The following DCAF11 variants were observed in gnomAD, a reference collection of about 807,000 sequenced individuals.
DCAF11 encodes DDB1 and CUL4 associated factor 11.
In DCAF11, 44 loss-of-function variants were observed where a neutral mutation model predicts 76.1. The observed-to-expected ratio is 0.58, with a 90% CI of 0.45 to 0.74. The LOEUF (loss-of-function observed/expected upper bound fraction) is 0.74, where lower values mean the gene tolerates loss of function less well. DCAF11 is among the 30% of genes least tolerant of loss of function. The pLI, the probability that DCAF11 is intolerant of heterozygous loss-of-function variation, is 0.00. For missense variants in DCAF11, 604 were observed against 709.4 expected, an observed-to-expected ratio of 0.85 and a Z score of 1.69; for synonymous variants, 258 against 255.0, an observed-to-expected ratio of 1.01 and a Z score of -0.11.
In DCAF11 at chr14:24,115,491, C is replaced by T. The variant is rs2037529107; in HGVS notation, c.-104C>T. 2 of 1,487,738 alleles carry T rather than the reference C, an allele frequency of 1.3e-6. No homozygotes were observed. The highest frequency in any genetic ancestry group is 4.6e-5 in the East Asian group (2 of 43,240). 92.2% of individuals were successfully genotyped at this position (1,487,738 alleles called of 1,614,324 possible). A position where few individuals can be genotyped will look rare whatever the true frequency, so the allele number is the denominator to read the frequency against. On this transcript the variant is annotated 5_prime_UTR_variant, in exon 2 of 15. Coordinates refer to ENST00000446197, the MANE Select transcript of DCAF11 (RefSeq NM_025230.5). ...CTCCTAGAGATAGCTACTACCCCGTCTCAGGAGACCCTGGTATTTCTAGAG... is the reference window on the plus strand; with the variant it reads ...CTCCTAGAGATAGCTACTACCCCGTTTCAGGAGACCCTGGTATTTCTAGAG...
chr14:24,120,907 T>G lies in DCAF11; in HGVS notation c.1162T>G (p.Ser388Ala). The change falls in exon 12 of 15, where the codon TCC (serine) becomes GCC (alanine). Residue 388 changes from serine (S) to alanine (A), a missense_variant. Coordinates refer to ENST00000446197, the MANE Select transcript of DCAF11 (RefSeq NM_025230.5). The stretch of plus-strand genomic sequence containing the variant: ...CAAACTCTGGGATATCCGACGCTTT[T>G]CCAGCCGGGAAGGCATGGAAGCTTC... ...TIKLWDIRRFSSREGMEASRQ... is the reference protein window; with the variant it reads ...TIKLWDIRRFASREGMEASRQ... 6.2e-7 allele frequency: 1 copy of G among 1,614,182 alleles called. No individual in the cohort carries two copies. The highest frequency in any genetic ancestry group is 8.5e-7 in the Non-Finnish European group (1 of 1,180,028).
chr14:24,118,250 T>G, intron 6 of DCAF11, 95 bp downstream of exon 6: 1 of 1,570,410 alleles, frequency 6.4e-7, no homozygotes. Context: ...AGCTCAGACC[T>G]GGCTTAAGGA....
rs1278357852 is a variant in DCAF11, at chr14:24,119,065, C to G, written c.780-80C>G. On this transcript the variant is annotated intron_variant, in intron 8 of 14. Coordinates refer to ENST00000446197, the MANE Select transcript of DCAF11 (RefSeq NM_025230.5). Reference sequence around the variant, plus strand: ...CTTCTTTTTTCCCCTGGGGATGTGCCTTACAACCGTTGTCAGATTTTATGT... The same window carrying G: ...CTTCTTTTTTCCCCTGGGGATGTGCGTTACAACCGTTGTCAGATTTTATGT... 4 of 1,581,168 alleles carry G rather than the reference C, an allele frequency of 2.5e-6. No individual in the cohort carries two copies. The African/African-American group carries it at 5.4e-5, about 21-fold the overall frequency.
At chr14:24,119,973 G>A in intron 11 of DCAF11, 77 bp downstream of exon 11, 1 of 1,460,924 alleles carries the variant, frequency 6.8e-7, no homozygotes, top group South Asian at 1.4e-5. Flanking sequence ...GCGGACTGGT[G>A]TGGGAATTTG....
Position 24,118,132 on chromosome 14 carries a change from A to G in DCAF11, c.554A>G (p.Gln185Arg). ...AFCGIYSKDG[Q>R]IFMSACQDQT... The stretch of plus-strand genomic sequence containing the variant: ...TGTGGCATCTACAGCAAAGATGGTC[A>G]AATATTCATGTCTGCTTGCCAAGGT... The change falls in exon 6 of 15, where the codon CAA (glutamine) becomes CGA (arginine). Residue 185 changes from glutamine to arginine, a missense_variant. Coordinates refer to ENST00000446197, the MANE Select transcript of DCAF11 (RefSeq NM_025230.5). 6.2e-7 allele frequency: 1 copy of G among 1,613,278 alleles called. No homozygotes were observed. Among genetic ancestry groups the G allele is most frequent in the Non-Finnish European group, 8.5e-7 (1 of 1,179,692 alleles).
Position 24,117,655 on chromosome 14 carries a change from C to G in DCAF11, c.412-13C>G, listed in dbSNP as rs2037607726. Reference sequence around the variant, plus strand: ...ATTTCTGCTAGCAATATTCCCCAATCCCTTCCATTTAGAGAGAACGGGGCC... The same window carrying G: ...ATTTCTGCTAGCAATATTCCCCAATGCCTTCCATTTAGAGAGAACGGGGCC... On this transcript the variant is annotated splice_polypyrimidine_tract_variant and intron_variant, in intron 4 of 14. Coordinates refer to ENST00000446197, the MANE Select transcript of DCAF11 (RefSeq NM_025230.5). The surrounding 1 kb of genome is among the most constrained non-coding windows in gnomAD (Gnocchi z 4.3). The G allele has an allele frequency of 6.2e-7, 1 of 1,613,358 alleles. No homozygotes were observed. The highest frequency in any genetic ancestry group is 1.3e-5 in the African/African-American group (1 of 74,888).
chr14:24,115,383 A>T lies in DCAF11; in HGVS notation c.-212A>T. The T allele has an allele frequency of 1.8e-6, 1 of 541,310 alleles. No homozygotes were observed. The highest frequency in any genetic ancestry group is 3.2e-5 in the South Asian group (1 of 31,474). 33.5% of individuals were successfully genotyped at this position (541,310 alleles called of 1,614,324 possible). ...ACTCTTGCTTTCTTTGCTTCACAGG[A>T]TTGGAGAAGGTTTGTGTTCCCGACG... On this transcript the variant is annotated splice_region_variant and 5_prime_UTR_variant, in exon 2 of 15. Transcript: ENST00000446197.
rs1288137056 is a variant in DCAF11 at position 24,117,722 on chromosome 14, G to T, written c.466G>T (p.Val156Leu). The T allele has an allele frequency of 1.2e-6, 2 of 1,614,150 alleles. No homozygotes were observed. Among genetic ancestry groups the T allele is most frequent in the Admixed American group, 3.3e-5 (2 of 60,028 alleles). ...GSFSLGEQSR[V>L]ISHFLPNDLG... ...CTTCTCCCTTGGAGAACAGTCTCGA[G>T]TGATATCTCAGTGAGTATGGGGCTT... The change falls in exon 5 of 15, where the codon GTG becomes TTG. Residue 156 changes from valine (V) to leucine (L), a missense_variant. Physicochemically the swap from Val to Leu is conservative, Grantham distance 32. Coordinates refer to ENST00000446197, the MANE Select transcript of DCAF11 (RefSeq NM_025230.5). The surrounding 1 kb of genome is among the most constrained non-coding windows in gnomAD (Gnocchi z 4.3).
intron 2 of DCAF11, among the ~76,000 whole-genome samples, chr14:24,116,136 C>T (rs748695497): frequency 9.9e-5 from 15 of 151,396 alleles, no homozygotes; most frequent in Non-Finnish European, 1.8e-4. Context: ...AGGCAGTTGA[C>T]ACATGATATG....
At chr14:24,122,530 G>A (rs1313800242) in intron 13 of DCAF11, among the ~76,000 whole-genome samples, 1 of 150,534 alleles carries the variant, frequency 6.6e-6, no homozygotes, top group East Asian at 1.9e-4. Context: ...AAAACCAGAA[G>A]CACAGCTGCA....
In DCAF11 at chr14:24,119,577, G is replaced by A. The variant is rs139297459; in HGVS notation, c.867G>A (p.Leu289=). ...CTTTCAGGGCCAATGATGGCTGCCTGTATGTCTTTGACCGAGAACAGAACC... is the reference window on the plus strand; with the variant it reads ...CTTTCAGGGCCAATGATGGCTGCCTATATGTCTTTGACCGAGAACAGAACC... ...EVLGGANDGC[L]YVFDREQNRR... is the part of the protein sequence containing the mutation. Residue 289 remains leucine (L), a synonymous_variant, in exon 10 of 15, where the codon CTG becomes CTA. Coordinates refer to ENST00000446197, the MANE Select transcript of DCAF11 (RefSeq NM_025230.5). 67 of 1,614,212 alleles carry A rather than the reference G, an allele frequency of 4.2e-5. 1 individual carries two copies. In the South Asian group the frequency reaches 7.0e-4, roughly 17 times the overall value.
intron 9 of DCAF11, 39 bp from the exon 10 acceptor site, chr14:24,119,520 T>C: frequency 1.2e-6 from 2 of 1,612,216 alleles, no homozygotes; most frequent in Non-Finnish European, 1.7e-6. Flanking sequence ...GTCCTCTCGA[T>C]CATGGCTCCA....
chr14:24,115,766 T>C lies in DCAF11; in HGVS notation c.155+17T>C. 6.2e-7 allele frequency: 1 copy of C among 1,608,288 alleles called. No homozygotes were observed. The highest frequency in any genetic ancestry group is 1.1e-5 in the South Asian group (1 of 90,066). On this transcript the variant is annotated intron_variant, in intron 2 of 14. Transcript: ENST00000446197. ...CCTCCGCAGGTAACTTACCCTCTGG[T>C]GTGACCCCCAGCAGGTGCTACCACA... is the stretch of plus-strand genomic sequence containing the variant.
chr14:24,120,857 T>C lies in DCAF11; in HGVS notation c.1112T>C (p.Ile371Thr). Reference sequence around the variant, plus strand: ...TCATAGGGTGATGCCCGGTATCTGATCTCCAACTCTAAAGACCAGACCATC... The same window carrying C: ...TCATAGGGTGATGCCCGGTATCTGACCTCCAACTCTAAAGACCAGACCATC... ...IDSKGDARYLISNSKDQTIKL... is the reference protein window; with the variant it reads ...IDSKGDARYLTSNSKDQTIKL... Residue 371 changes from isoleucine (I) to threonine (T), a missense_variant, in exon 12 of 15, where the codon ATC (isoleucine) becomes ACC (threonine). Transcript: ENST00000446197. 2 of 1,614,134 alleles carry C rather than the reference T, an allele frequency of 1.2e-6. No homozygotes were observed. Among genetic ancestry groups the C allele is most frequent in the Non-Finnish European group, 1.7e-6 (2 of 1,180,014 alleles).
rs1566591464 is a variant in DCAF11, at chr14:24,117,574, A to G, written c.412-94A>G. On this transcript the variant is annotated intron_variant, in intron 4 of 14. Coordinates refer to ENST00000446197, the MANE Select transcript of DCAF11 (RefSeq NM_025230.5). The surrounding 1 kb of genome is among the most constrained non-coding windows in gnomAD (Gnocchi z 4.3). ...GACTATGATGTGTGTGTCCATTTCTATAACAAGAGCAATATCTTTGGAGGA... is the reference window on the plus strand; with the variant it reads ...GACTATGATGTGTGTGTCCATTTCTGTAACAAGAGCAATATCTTTGGAGGA... 6 of 1,537,448 alleles carry G rather than the reference A, an allele frequency of 3.9e-6. No individual in the cohort carries two copies. The highest frequency in any genetic ancestry group is 5.4e-6 in the Non-Finnish European group (6 of 1,120,510).
Position 24,123,447 on chromosome 14 carries a change from A to G in DCAF11, c.*138A>G. On this transcript the variant is annotated 3_prime_UTR_variant, in exon 15 of 15. Coordinates refer to ENST00000446197, the MANE Select transcript of DCAF11 (RefSeq NM_025230.5). ...AACATAAGCCTGGGCTCTGAGCCTCAGCTGAGCCCTGGAAGATTCTCCCCA... is the reference window on the plus strand; with the variant it reads ...AACATAAGCCTGGGCTCTGAGCCTCGGCTGAGCCCTGGAAGATTCTCCCCA... 7.6e-7 allele frequency: 1 copy of G among 1,322,344 alleles called. No homozygotes were observed. Among genetic ancestry groups the G allele is most frequent in the Non-Finnish European group, 9.9e-7 (1 of 1,010,616 alleles). 81.9% of individuals were successfully genotyped at this position (1,322,344 alleles called of 1,614,324 possible).
chr14:24,119,181 T>C lies in DCAF11; in HGVS notation c.816T>C (p.Ala272=), dbSNP rs1404594215. ...GTCGCTTTGCTGTCTTCTCCATTGC[T>C]GTCTCCTCAGATGGACGAGAAGTAC... is the stretch of plus-strand genomic sequence containing the variant. ...DERRFAVFSI[A]VSSDGREVLG... The change falls in exon 9 of 15, where the codon GCT becomes GCC. Residue 272 remains alanine, a synonymous_variant. Transcript: ENST00000446197. The C allele has an allele frequency of 6.2e-7, 1 of 1,614,226 alleles. No homozygotes were observed. Among genetic ancestry groups the C allele is most frequent in the Non-Finnish European group, 8.5e-7 (1 of 1,180,028 alleles).
Position 24,119,558 on chromosome 14 carries a change from G to A in DCAF11, c.849-1G>A, listed in dbSNP as rs2037650637. 6.2e-7 allele frequency: 1 copy of A among 1,614,176 alleles called. No individual in the cohort carries two copies. Among genetic ancestry groups the A allele is most frequent in the Non-Finnish European group, 8.5e-7 (1 of 1,180,032 alleles). ...ACCCTCCTTTATCCCTTCCCTTTCA[G>A]GGCCAATGATGGCTGCCTGTATGTC... On this transcript the variant is annotated splice_acceptor_variant, in intron 9 of 14. Transcript: ENST00000446197. LOFTEE classifies it high-confidence loss of function.
intron 2 of DCAF11, among the ~76,000 whole-genome samples, chr14:24,115,984 A>G (rs1302453555): frequency 6.6e-6 from 1 of 151,734 alleles, no homozygotes; most frequent in African/African-American, 2.4e-5. Context: ...TTGAGGGGCT[A>G]TTCAAGGGAG....
Sources: gnomAD v4.1 joint callset for allele counts (sites outside exome capture counted in the v4.1 genomes callset) on GRCh38, gnomAD v4.1.1 for gene constraint, Gnocchi (gnomAD v3.1) non-coding constraint, MANE v1.5 for transcripts, NCBI Gene and HGNC (gene_info 2026-07-23, HGNC 2026-07-21) for gene names.